The following NHSL1 variants were observed in gnomAD, a reference collection of about 807,000 sequenced individuals.
The protein encoded by NHSL1 is NHS like 1.
NHSL1 carries 48 observed loss-of-function variants against 95.0 expected under a neutral mutation model. That is an observed-to-expected ratio of 0.51 (90% CI 0.40 to 0.64). NHSL1 has a LOEUF of 0.64. Among genes scored for constraint, NHSL1 ranks in the 30% least tolerant of loss-of-function variants. The pLI is 0.00. For missense variants in NHSL1, 1,971 were observed against 2,077.7 expected, an observed-to-expected ratio of 0.95 and a Z score of 1.00; for synonymous variants, 783 against 833.9, an observed-to-expected ratio of 0.94 and a Z score of 1.05.
chr6:138,571,780 C>A, exon 1 of NHSL1: 1 of 1,552,336 alleles, frequency 6.4e-7, no homozygotes, highest in East Asian at 2.4e-5. Context: ...AAACCGAGAG[C>A]TCTCCATCAC....
intron 1 of NHSL1, among the ~76,000 whole-genome samples, chr6:138,578,583 C>T (rs1784004897): frequency 6.6e-6 from 1 of 152,118 alleles, no homozygotes; most frequent in Admixed American, 6.5e-5. Flanking sequence ...AAATAAAATT[C>T]CAAATAAATA....
At chr6:138,614,742 C>T (rs1380659818) in intron 1 of NHSL1, among the ~76,000 whole-genome samples, 2 of 152,152 alleles carry the variant, frequency 1.3e-5, no homozygotes, top group Admixed American at 6.5e-5. Flanking sequence ...GGCAGGCAAG[C>T]AAGCATTACC....
chr6:138,687,015 G>C (rs1405293712), intron 1 of NHSL1, among the ~76,000 whole-genome samples: 1 of 152,140 alleles, frequency 6.6e-6, no homozygotes, highest in African/African-American at 2.4e-5. Flanking sequence ...GATTAGAGGG[G>C]GGTGCGGGCC....
intron 1 of NHSL1, among the ~76,000 whole-genome samples, chr6:138,619,298 A>G (rs1784622484): frequency 6.6e-6 from 1 of 152,194 alleles, no homozygotes; most frequent in South Asian, 2.1e-4. Context: ...AGATCACGCC[A>G]CTGCACTCCA....
At chr6:138,646,501 A>G (rs79165727) in intron 1 of NHSL1, among the ~76,000 whole-genome samples, 3 of 144,762 alleles carry the variant, frequency 2.1e-5, no homozygotes, top group South Asian at 2.1e-4. Context: ...TGTCTCGAGG[A>G]AAAAAAAAAA....
chr6:138,577,771 G>A (rs1297019598), intron 1 of NHSL1, among the ~76,000 whole-genome samples: 1 of 152,132 alleles, frequency 6.6e-6, no homozygotes, highest in Non-Finnish European at 1.5e-5. Context: ...ATCTTTCTAT[G>A]AGGTAATTTG....
chr6:138,434,339 C>A lies in NHSL1; in HGVS notation c.665-659G>T, dbSNP rs554523077. Among the ~76,000 whole-genome samples, 9 of 151,634 alleles carry A rather than the reference C, an allele frequency of 5.9e-5. No homozygotes were observed. The South Asian group carries it at 1.9e-3, about 32-fold the overall frequency. The stretch of plus-strand genomic sequence containing the variant: ...GTTGGGGAAACTGGCAGGAACTGAT[C>A]CAGTGAACATTTCCTCAAATTAGGA... On this transcript the variant is annotated intron_variant, in intron 5 of 7. Coordinates refer to ENST00000343505, the MANE Select transcript of NHSL1 (RefSeq NM_001144060.2).
At chr6:138,666,392 C>A (rs1241212917) in intron 1 of NHSL1, among the ~76,000 whole-genome samples, 3 of 152,024 alleles carry the variant, frequency 2.0e-5, no homozygotes, top group Non-Finnish European at 4.4e-5. Flanking sequence ...GAGATCAAGA[C>A]CATCCTGGCT....
chr6:138,513,301 C>T (rs78714645), intron 1 of NHSL1, among the ~76,000 whole-genome samples: 7,657 of 152,206 alleles, frequency 0.05, 230 homozygotes, highest in South Asian at 0.094. Context: ...CCTTAAGAAA[C>T]GCCTTGCAAA....
intron 2 of NHSL1, among the ~76,000 whole-genome samples, chr6:138,487,263 C>G (rs7753434): frequency 6.6e-6 from 1 of 152,052 alleles, no homozygotes; most frequent in East Asian, 1.9e-4. Flanking sequence ...TAATGGGGAG[C>G]TGGTAAAGAA....
In NHSL1 at chr6:138,431,491, G is replaced by A; in HGVS notation, c.2854C>T (p.Pro952Ser). The A allele has an allele frequency of 6.4e-7, 1 of 1,551,236 alleles. No homozygotes were observed. Among genetic ancestry groups the A allele is most frequent in the Non-Finnish European group, 8.7e-7 (1 of 1,146,840 alleles). ...GAGCAATCTGTGACAGGAGGTGGGG[G>A]AGGAAGGAAAGGAGACCTGTCTGCA... ...CPADRSPFLP[P>S]PPPVTDCSQG... The change falls in exon 6 of 8, where the codon CCC becomes TCC. Residue 952 changes from proline (P) to serine (S), a missense_variant. Coordinates refer to ENST00000343505, the MANE Select transcript of NHSL1 (RefSeq NM_001144060.2). This position sits in a 1 kb window ranked among gnomAD's most constrained non-coding sequence, Gnocchi z 4.0.
chr6:138,439,767 C>G (rs571716612), intron 5 of NHSL1, among the ~76,000 whole-genome samples: 1 of 151,878 alleles, frequency 6.6e-6, no homozygotes, highest in South Asian at 2.1e-4. Flanking sequence ...TGTCTGGCAA[C>G]AGTCACAACC....
At chr6:138,523,641 A>C (rs7382126) in intron 1 of NHSL1, among the ~76,000 whole-genome samples, 3,184 of 149,680 alleles carry the variant, frequency 0.021, 312 homozygotes, top group Admixed American at 0.15. Flanking sequence ...AAAAAAAAAA[A>C]AAAAAAAAAA....
At chr6:138,553,168 C>G (rs1783073146) in intron 1 of NHSL1, among the ~76,000 whole-genome samples, 1 of 152,162 alleles carries the variant, frequency 6.6e-6, no homozygotes, top group Non-Finnish European at 1.5e-5. Context: ...GACTTGTACT[C>G]AGTATTTTTT....
At chr6:138,541,569 G>T (rs940674500) in intron 1 of NHSL1, among the ~76,000 whole-genome samples, 1 of 152,100 alleles carries the variant, frequency 6.6e-6, no homozygotes, top group East Asian at 1.9e-4. Flanking sequence ...AGAGAAGGAG[G>T]ATAAGCAGGA....
intron 1 of NHSL1, among the ~76,000 whole-genome samples, chr6:138,605,385 C>T (rs1433930380): frequency 6.6e-6 from 1 of 152,178 alleles, no homozygotes; most frequent in African/African-American, 2.4e-5. Context: ...GCCAACAGGC[C>T]TGGCTAATTT....
chr6:138,572,847 G>GTAGATAGATAGATAGATAGATAGA (rs60380179), upstream of NHSL1, among the ~76,000 whole-genome samples: 201 of 149,852 alleles, frequency 1.3e-3, no homozygotes, highest in Admixed American at 3.0e-3. Flanking sequence ...GCTTAATACA[G>GTAGATAGATAGATAGATAGATAGA]TAGATAGATA....
At chr6:138,531,869 A>T (rs1379168471) in intron 1 of NHSL1, among the ~76,000 whole-genome samples, 1 of 152,074 alleles carries the variant, frequency 6.6e-6, no homozygotes, top group Admixed American at 6.6e-5. Context: ...TTATATCTTA[A>T]ATTTTTTTCA....
rs1318946998 is a variant in NHSL1, at chr6:138,626,727, A to G, written c.96+65749T>C. Among the ~76,000 whole-genome samples, 2 of 101,692 alleles carry G rather than the reference A, an allele frequency of 2.0e-5. 1 individual carries two copies. The highest frequency in any genetic ancestry group is 4.0e-5 in the Non-Finnish European group (2 of 50,554). 66.7% of individuals were successfully genotyped at this position (101,692 alleles called of 152,430 possible). On this transcript the variant is annotated intron_variant, in intron 1 of 3. Coordinates refer to the NHSL1 transcript ENST00000491526. ...GCTAAAACGGTGAAACCCCGTCTCT[A>G]CTAAAAATACAAAAAAATTAGCCGG...
Sources: allele counts gnomAD v4.1 joint callset (sites outside exome capture counted in the v4.1 genomes callset), GRCh38; gene constraint gnomAD v4.1.1; non-coding constraint Gnocchi (gnomAD v3.1); transcripts MANE v1.5; gene names NCBI Gene and HGNC (gene_info 2026-07-23, HGNC 2026-07-21).